SYTL5: variants seen among roughly 807,000 people sequenced by gnomAD.
SYTL5 encodes the protein synaptotagmin-like protein 5.
A neutral mutation model predicts 55.9 loss-of-function variants in SYTL5; 34 were observed. That is an observed-to-expected ratio of 0.61 (90% CI 0.46 to 0.81). The LOEUF (loss-of-function observed/expected upper bound fraction) is 0.81, where lower values mean the gene tolerates loss of function less well. SYTL5 is among the 30% of genes least tolerant of loss of function. The pLI, the probability that SYTL5 is intolerant of heterozygous loss-of-function variation, is 0.00. For synonymous variants in SYTL5, 221 were observed against 188.7 expected, an observed-to-expected ratio of 1.17 and a Z score of -1.40; for missense variants, 637 against 546.7, an observed-to-expected ratio of 1.17 and a Z score of -1.65.
the SYTL5 span, among the ~76,000 whole-genome samples, chrX:37,904,211 A>T: frequency 9.3e-6 from 1 of 106,970 alleles, no homozygotes; most frequent in African/African-American, 3.4e-5. Flanking sequence ...TTGATAGGTA[A>T]GAATTTTGAT....
Position 38,048,742 on chromosome X carries a change from C to T in SYTL5, c.120-5471C>T, listed in dbSNP as rs1370846385. Among the ~76,000 whole-genome samples, 4 of 110,593 alleles carry T rather than the reference C, an allele frequency of 3.6e-5. 1 individual carries two copies. The East Asian group carries it at 1.1e-3, about 31-fold the overall frequency. ...GAAAGACCCACCAAATGATTATCTC[C>T]CACCAGGTCTCTCCCACAACACCTG... On this transcript the variant is annotated intron_variant, in intron 2 of 16. Coordinates refer to ENST00000297875, the MANE Select transcript of SYTL5 (RefSeq NM_138780.3).
the SYTL5 span, among the ~76,000 whole-genome samples, chrX:37,965,904 A>G: frequency 8.9e-6 from 1 of 112,458 alleles, no homozygotes; most frequent in Non-Finnish European, 1.9e-5. Flanking sequence ...TTTGTCTGAT[A>G]TAAGTATAGC....
Position 38,054,239 on chromosome X carries a change from C to G in SYTL5, c.146C>G (p.Ala49Gly). Residue 49 changes from alanine (A) to glycine (G), a missense_variant, in exon 3 of 17, where the codon GCA becomes GGA. Ala to Gly is a moderately conservative substitution (Grantham distance 60, BLOSUM62 0). Coordinates refer to ENST00000297875, the MANE Select transcript of SYTL5 (RefSeq NM_138780.3). ...AAGCTGAAAAATGAACTCTTAGAAG[C>G]AAAACGTAGAAGTGGGAAAACTCAA... ...IRKLKNELLE[A>G]KRRSGKTQQE... 2 of 1,209,680 alleles carry G rather than the reference C, an allele frequency of 1.7e-6. No individual in the cohort carries two copies. Among genetic ancestry groups the G allele is most frequent in the Non-Finnish European group, 2.2e-6 (2 of 894,570 alleles).
the SYTL5 span, among the ~76,000 whole-genome samples, chrX:37,921,284 A>C: frequency 9.0e-6 from 1 of 111,574 alleles, no homozygotes. Flanking sequence ...GTTAACTCCT[A>C]TATGAAACTG....
chrX:37,954,009 T>G, the SYTL5 span, among the ~76,000 whole-genome samples: 14 of 111,523 alleles, frequency 1.3e-4, no homozygotes, highest in African/African-American at 4.6e-4. Flanking sequence ...AAAAAGAGAA[T>G]GCTTGTTGGA....
chrX:38,011,245 G>A (rs1445288902), intron 1 of SYTL5, among the ~76,000 whole-genome samples: 2 of 112,373 alleles, frequency 1.8e-5, no homozygotes, highest in African/African-American at 6.5e-5. Context: ...GTAATGCTGT[G>A]CAAGAAGAGT....
At chrX:37,973,697 C>T in the SYTL5 span, among the ~76,000 whole-genome samples, 680 of 109,893 alleles carry the variant, frequency 6.2e-3, 6 homozygotes, top group African/African-American at 0.021. Flanking sequence ...GCAAGTGGTG[C>T]GATCTCGGCT....
chrX:37,895,458 C>CCT, the SYTL5 span, among the ~76,000 whole-genome samples: 1,086 of 57,097 alleles, frequency 0.019, 20 homozygotes, highest in African/African-American at 0.12. Flanking sequence ...CCTTCCTTCC[C>CCT]TCCCTCCCTC....
At chrX:38,032,962 A>G (rs1935000484) in intron 1 of SYTL5, among the ~76,000 whole-genome samples, 1 of 111,700 alleles carries the variant, frequency 9.0e-6, no homozygotes, top group South Asian at 3.8e-4. Flanking sequence ...TGGCCTCAAG[A>G]GATCCTCCCA....
chrX:38,061,097 G>A (rs188208509), intron 3 of SYTL5, among the ~76,000 whole-genome samples: 10 of 111,995 alleles, frequency 8.9e-5, no homozygotes, highest in East Asian at 5.6e-4. Flanking sequence ...GTCTTGATGC[G>A]TTAAAATGTC....
At chrX:37,953,418 T>C in the SYTL5 span, among the ~76,000 whole-genome samples, 1 of 111,551 alleles carries the variant, frequency 9.0e-6, no homozygotes, top group Non-Finnish European at 1.9e-5. Flanking sequence ...GAGTAGAATT[T>C]AATGGACAAA....
At chrX:38,097,848 T>G (rs1486063663) in intron 9 of SYTL5, among the ~76,000 whole-genome samples, 1 of 108,493 alleles carries the variant, frequency 9.2e-6, no homozygotes, top group Non-Finnish European at 1.9e-5. Flanking sequence ...GGCATAAGCA[T>G]TGGCAATCAG....
chrX:38,010,719 T>C (rs1934149581), intron 1 of SYTL5, among the ~76,000 whole-genome samples: 1 of 111,768 alleles, frequency 8.9e-6, no homozygotes, highest in East Asian at 2.8e-4. Context: ...ACAAGGGCCC[T>C]TAGAAATGTC....
intron 1 of SYTL5, among the ~76,000 whole-genome samples, chrX:38,016,647 C>T (rs940854336): frequency 1.8e-5 from 2 of 111,926 alleles, no homozygotes; most frequent in Non-Finnish European, 3.8e-5. Flanking sequence ...ATCTTGGAAG[C>T]AAGATTCCCT....
chrX:37,968,039 C>T, the SYTL5 span, among the ~76,000 whole-genome samples: 2 of 110,040 alleles, frequency 1.8e-5, no homozygotes, highest in East Asian at 5.7e-4. Flanking sequence ...GAAATTCTCA[C>T]TTTATTTATG....
At chrX:37,904,449 A>C in the SYTL5 span, among the ~76,000 whole-genome samples, 1 of 110,760 alleles carries the variant, frequency 9.0e-6, no homozygotes, top group Non-Finnish European at 1.9e-5. Flanking sequence ...GAAAAACTGA[A>C]GGCTGGTATT....
chrX:37,955,761 T>C, the SYTL5 span, among the ~76,000 whole-genome samples: 11 of 111,861 alleles, frequency 9.8e-5, no homozygotes, highest in African/African-American at 3.6e-4. Flanking sequence ...AGGATTCAAG[T>C]TCCATGTTGG....
At chrX:37,995,501 A>G in the SYTL5 span, among the ~76,000 whole-genome samples, 47 of 112,117 alleles carry the variant, frequency 4.2e-4, no homozygotes, top group African/African-American at 6.5e-4. Context: ...CCACCACTGG[A>G]TGATTCCTTA....
At chrX:38,067,202 C>A (rs1242718082) in intron 3 of SYTL5, among the ~76,000 whole-genome samples, 1 of 111,454 alleles carries the variant, frequency 9.0e-6, no homozygotes, top group East Asian at 2.8e-4. Flanking sequence ...GAGGTAATGA[C>A]TAACAATTCT....
Sources: allele counts gnomAD v4.1 joint callset (sites outside exome capture counted in the v4.1 genomes callset), GRCh38; gene constraint gnomAD v4.1.1; transcripts MANE v1.5; gene names NCBI Gene and HGNC (gene_info 2026-07-23, HGNC 2026-07-21).